SDK1: variants seen among roughly 807,000 people sequenced by gnomAD.
The protein encoded by SDK1 is protein sidekick-1.
Under a neutral mutation model 245.5 loss-of-function variants are expected in SDK1, and 157 were observed. The ratio of observed to expected loss-of-function variants is 0.64; its 90% CI spans 0.56 to 0.73. The LOEUF (loss-of-function observed/expected upper bound fraction) is 0.73, where lower values mean the gene tolerates loss of function less well. Among genes scored for constraint, SDK1 ranks in the 30% least tolerant of loss-of-function variants. The probability of loss-of-function intolerance (pLI) is 0.00; values close to 1 mark genes in which losing one functional copy is unlikely to be tolerated. For missense variants in SDK1, 3,583 were observed against 3,002.3 expected (o/e 1.19, Z -4.52); for synonymous variants, 1,647 against 1,278.5 (o/e 1.29, Z -6.15).
At chr7:3,527,001 A>G (rs1783160635) in intron 1 of SDK1, among the ~76,000 whole-genome samples, 1 of 152,178 alleles carries the variant, frequency 6.6e-6, no homozygotes, top group South Asian at 2.1e-4. Flanking sequence ...TCAGTGTGAT[A>G]TAATTATATA....
chr7:3,565,140 C>T, intron 1 of SDK1, among the ~76,000 whole-genome samples: 1 of 151,086 alleles, frequency 6.6e-6, no homozygotes. Flanking sequence ...AAGGGGATAA[C>T]TAGACACTGG....
intron 17 of SDK1, among the ~76,000 whole-genome samples, chr7:4,048,464 G>C (rs1789183469): frequency 6.6e-6 from 1 of 152,128 alleles, no homozygotes; most frequent in African/African-American, 2.4e-5. Flanking sequence ...CCCGCGCACT[G>C]TCAGCACCCC....
intron 1 of SDK1, among the ~76,000 whole-genome samples, chr7:3,319,292 T>C (rs1779736395): frequency 6.6e-6 from 1 of 152,158 alleles, no homozygotes; most frequent in African/African-American, 2.4e-5. Context: ...TGGCTCTCAT[T>C]TGACACAAGC....
chr7:3,414,034 TA>T (rs1779290549), intron 1 of SDK1, among the ~76,000 whole-genome samples: 2 of 151,974 alleles, frequency 1.3e-5, no homozygotes, highest in African/African-American at 4.8e-5. Context: ...GGCAAGGGAT[TA>T]AGTGGAGAGA....
chr7:3,623,559 A>G (rs1237678303), intron 2 of SDK1, among the ~76,000 whole-genome samples: 3 of 152,088 alleles, frequency 2.0e-5, no homozygotes, highest in Non-Finnish European at 4.4e-5. Context: ...TACATTTCAT[A>G]TTGATGCTCA....
At chr7:3,367,696 C>G (rs941741764) in intron 1 of SDK1, among the ~76,000 whole-genome samples, 6 of 152,210 alleles carry the variant, frequency 3.9e-5, no homozygotes, top group African/African-American at 1.4e-4. Context: ...ACTCTTCGAC[C>G]TATTTAACTG....
At chr7:3,656,419 C>T (rs1783186761) in intron 4 of SDK1, among the ~76,000 whole-genome samples, 1 of 152,316 alleles carries the variant, frequency 6.6e-6, no homozygotes, top group South Asian at 2.1e-4. Flanking sequence ...CTGACAAATA[C>T]CTCCTTGCAC....
At chr7:3,660,324 A>T (rs1378513927) in intron 4 of SDK1, among the ~76,000 whole-genome samples, 1 of 152,114 alleles carries the variant, frequency 6.6e-6, no homozygotes, top group Non-Finnish European at 1.5e-5. Context: ...AGAGCTTTTC[A>T]CCTGATTCTA....
At chr7:3,366,888 T>C (rs1377919315) in intron 1 of SDK1, among the ~76,000 whole-genome samples, 1 of 151,992 alleles carries the variant, frequency 6.6e-6, no homozygotes, top group Non-Finnish European at 1.5e-5. Context: ...ATTACAGGCA[T>C]GCACCACCAT....
intron 4 of SDK1, among the ~76,000 whole-genome samples, chr7:3,715,281 C>T (rs1407055446): frequency 6.6e-6 from 1 of 152,032 alleles, no homozygotes; most frequent in African/African-American, 2.4e-5. Context: ...TATATAAATT[C>T]ATGTATGTAT....
At chr7:3,900,513 C>T (rs1380847160) in intron 5 of SDK1, among the ~76,000 whole-genome samples, 1 of 152,194 alleles carries the variant, frequency 6.6e-6, no homozygotes, top group Admixed American at 6.5e-5. Flanking sequence ...GCCCATCCTT[C>T]TTGGCTTCAT....
chr7:3,593,436 C>G (rs1442310083), intron 1 of SDK1, among the ~76,000 whole-genome samples: 1 of 152,132 alleles, frequency 6.6e-6, no homozygotes, highest in African/African-American at 2.4e-5. Flanking sequence ...TACTCAAAGA[C>G]CTTGGTGGTT....
intron 1 of SDK1, among the ~76,000 whole-genome samples, chr7:3,524,226 G>T (rs915901209): frequency 6.6e-6 from 1 of 152,132 alleles, no homozygotes; most frequent in South Asian, 2.1e-4. Flanking sequence ...GTTTGTATAG[G>T]GCTTTCTAAA....
intron 1 of SDK1, among the ~76,000 whole-genome samples, chr7:3,600,376 A>G (rs1329552901): frequency 1.3e-5 from 2 of 152,052 alleles, no homozygotes; most frequent in African/African-American, 4.8e-5. Flanking sequence ...ACAAATAATA[A>G]CAATTTTAGT....
intron 5 of SDK1, among the ~76,000 whole-genome samples, chr7:3,886,033 A>T (rs1434473511): frequency 6.6e-6 from 1 of 152,166 alleles, no homozygotes; most frequent in African/African-American, 2.4e-5. Flanking sequence ...GTGCCGTGCC[A>T]CAGGGAAGGG....
chr7:3,319,756 T>C (rs369018254), intron 1 of SDK1, among the ~76,000 whole-genome samples: 21 of 152,172 alleles, frequency 1.4e-4, no homozygotes, highest in South Asian at 4.2e-4. Flanking sequence ...AATCAAAATA[T>C]AGCATTTTGA....
At chr7:4,171,175 G>A (rs1015534926) in intron 32 of SDK1, among the ~76,000 whole-genome samples, 1 of 152,190 alleles carries the variant, frequency 6.6e-6, no homozygotes, top group Non-Finnish European at 1.5e-5. Context: ...GGGTGTGGAC[G>A]GATGGGGTGG....
chr7:3,900,451 T>A (rs1442036738), intron 5 of SDK1, among the ~76,000 whole-genome samples: 1 of 152,208 alleles, frequency 6.6e-6, no homozygotes, highest in Non-Finnish European at 1.5e-5. Flanking sequence ...TCCTGTTTGG[T>A]GCTGATTTAG....
chr7:4,012,201 G>C lies in SDK1; in HGVS notation c.2386G>C (p.Glu796Gln). Residue 796 changes from glutamate to glutamine, a missense_variant, in exon 16 of 45, where the codon GAG becomes CAG. Transcript: ENST00000404826. ...MVQWQPPPETEHNGVLRGYIL... is the reference protein window; with the variant it reads ...MVQWQPPPETQHNGVLRGYIL... ...CCAGTGGCAGCCACCCCCAGAAACAGAGCACAACGGGGTGTTGCGTGGATA... is the reference window on the plus strand; with the variant it reads ...CCAGTGGCAGCCACCCCCAGAAACACAGCACAACGGGGTGTTGCGTGGATA... 2 of 1,561,870 alleles carry C rather than the reference G, an allele frequency of 1.3e-6. No homozygotes were observed. The highest frequency in any genetic ancestry group is 1.7e-6 in the Non-Finnish European group (2 of 1,155,566).
Sources: gnomAD v4.1 joint callset for allele counts (sites outside exome capture counted in the v4.1 genomes callset) on GRCh38, gnomAD v4.1.1 for gene constraint, MANE v1.5 for transcripts, NCBI Gene and HGNC (gene_info 2026-07-23, HGNC 2026-07-21) for gene names.